NIPAL3: variants seen among roughly 807,000 people sequenced by gnomAD.
NIPAL3 encodes the protein NIPA-like protein 3.
NIPAL3 carries 41 observed loss-of-function variants against 47.2 expected under a neutral mutation model. The observed-to-expected ratio is 0.87, with a 90% CI of 0.68 to 1.13. NIPAL3 has a LOEUF of 1.13. Among genes scored for constraint, NIPAL3 ranks in the 50% most tolerant of loss-of-function variants. The pLI is 0.00. For missense variants in NIPAL3, 449 were observed against 530.1 expected, an observed-to-expected ratio of 0.85 and a Z score of 1.50; for synonymous variants, 194 against 209.6, an observed-to-expected ratio of 0.93 and a Z score of 0.64.
chr1:24,419,385 T>C lies in NIPAL3; in HGVS notation c.-163T>C. The C allele has an allele frequency of 5.2e-6, 7 of 1,336,990 alleles. No homozygotes were observed. Among genetic ancestry groups the C allele is most frequent in the Non-Finnish European group, 6.7e-6 (7 of 1,046,246 alleles). The allele number at this position is 1,336,990 out of a possible 1,614,324, so 82.8% of individuals were successfully genotyped here. A position where few individuals can be genotyped will look rare whatever the true frequency, so the allele number is the denominator to read the frequency against. On this transcript the variant is annotated 5_prime_UTR_variant, in exon 2 of 12. Transcript: ENST00000374399. Reference sequence around the variant, plus strand: ...CTGAGTGAAGCTGAGGAGAAGGCTGTAAATCTGCCAAAACAGCCTTGAAGT... The same window carrying C: ...CTGAGTGAAGCTGAGGAGAAGGCTGCAAATCTGCCAAAACAGCCTTGAAGT...
At chr1:24,441,187 G>A (rs1007632370) in intron 3 of NIPAL3, among the ~76,000 whole-genome samples, 1 of 152,180 alleles carries the variant, frequency 6.6e-6, no homozygotes, top group African/African-American at 2.4e-5. Context: ...CTCCCTCCCT[G>A]GAGCAGGCAG....
intron 8 of NIPAL3, chr1:24,457,841 T>A (rs901609622): frequency 1.9e-6 from 1 of 532,676 alleles, no homozygotes; most frequent in Non-Finnish European, 3.9e-6. Context: ...CCGGTAAACA[T>A]GAGCTGCTTC....
chr1:24,459,944 C>G (rs6424097), intron 9 of NIPAL3, among the ~76,000 whole-genome samples: 21,369 of 152,130 alleles, frequency 0.14, 1,646 homozygotes, highest in African/African-American at 0.21. Flanking sequence ...TCAGGGCAGG[C>G]GCAGTAGGCC....
chr1:24,460,681 C>A, intron 10 of NIPAL3, 137 bp downstream of exon 10: 1 of 640,826 alleles, frequency 1.6e-6, no homozygotes, highest in Non-Finnish European at 2.5e-6. Flanking sequence ...AGCTTTGTCC[C>A]CAGAGGTGAG....
chr1:24,438,960 G>A (rs148268250), intron 2 of NIPAL3, among the ~76,000 whole-genome samples: 2 of 152,062 alleles, frequency 1.3e-5, no homozygotes, highest in African/African-American at 4.8e-5. Context: ...CCATACAAAC[G>A]CACAAAAATG....
chr1:24,468,880 A>AT, intron 11 of NIPAL3, 106 bp from the exon 12 acceptor site: 1 of 997,656 alleles, frequency 1.0e-6, no homozygotes, highest in Non-Finnish European at 1.5e-6. Context: ...AATGCACATG[A>AT]TTAGCTGCTG....
Position 24,462,700 on chromosome 1 carries a change from G to C in NIPAL3, c.927-1326G>C, listed in dbSNP as rs566197687. On this transcript the variant is annotated intron_variant, in intron 10 of 11. Coordinates refer to ENST00000374399, the MANE Select transcript of NIPAL3 (RefSeq NM_020448.5). ...TATAATGGATTGAACCCGAGCGGCA[G>C]AGGTTGCAGTGAGCCAAGATCACAG... is the stretch of plus-strand genomic sequence containing the variant. Among the ~76,000 whole-genome samples, 186 of 152,280 alleles carry C rather than the reference G, an allele frequency of 1.2e-3. 1 individual carries two copies. Among genetic ancestry groups the C allele is most frequent in the African/African-American group, 4.2e-3 (176 of 41,562 alleles).
intron 8 of NIPAL3, 121 bp downstream of exon 8, chr1:24,456,394 CAGCATGG>C: frequency 1.5e-6 from 2 of 1,362,224 alleles, no homozygotes; most frequent in East Asian, 4.6e-5. Flanking sequence ...GCCTGGCATC[CAGCATGG>C]AGAGAGGAGC....
intron 4 of NIPAL3, among the ~76,000 whole-genome samples, chr1:24,444,409 G>A (rs78501971): frequency 1.3e-5 from 2 of 152,162 alleles, no homozygotes; most frequent in Non-Finnish European, 2.9e-5. Context: ...GATTTGTAGC[G>A]CTTGCCAGTT....
intron 2 of NIPAL3, among the ~76,000 whole-genome samples, chr1:24,431,539 G>C (rs1024310783): frequency 6.6e-6 from 1 of 152,062 alleles, no homozygotes; most frequent in African/African-American, 2.4e-5. Context: ...TTTATTTTAT[G>C]ACCTTTAAGT....
At position 24,454,603 on chromosome 1, in the gene NIPAL3, T is replaced by C. The variant is rs113667563; in HGVS notation, c.637+1099T>C. On this transcript the variant is annotated intron_variant, in intron 7 of 11. Coordinates refer to ENST00000374399, the MANE Select transcript of NIPAL3 (RefSeq NM_020448.5). This position sits in a 1 kb window ranked among gnomAD's most constrained non-coding sequence, Gnocchi z 4.1. ...TACCATAAAGTTCACCTGTTTAAAGTATACAATTCAGTGGTTTTTAGTATT... is the reference window on the plus strand; with the variant it reads ...TACCATAAAGTTCACCTGTTTAAAGCATACAATTCAGTGGTTTTTAGTATT... The C allele has an allele frequency of 2.1e-6, 2 of 930,928 alleles. No individual in the cohort carries two copies. The allele number at this position is 930,928 out of a possible 1,614,324, so 57.7% of individuals were successfully genotyped here. A position where few individuals can be genotyped will look rare whatever the true frequency, so the allele number is the denominator to read the frequency against.
intron 2 of NIPAL3, among the ~76,000 whole-genome samples, chr1:24,437,056 C>T (rs1645149712): frequency 6.6e-6 from 1 of 151,940 alleles, no homozygotes; most frequent in Non-Finnish European, 1.5e-5. Context: ...TTGAGACCAT[C>T]CTGGATAACA....
chr1:24,454,305 C>T lies in NIPAL3; in HGVS notation c.637+801C>T. 1 of 1,148,968 alleles carries T rather than the reference C, an allele frequency of 8.7e-7. No individual in the cohort carries two copies. The highest frequency in any genetic ancestry group is 1.1e-6 in the Non-Finnish European group (1 of 923,802). 71.2% of individuals were successfully genotyped at this position (1,148,968 alleles called of 1,614,324 possible). On this transcript the variant is annotated intron_variant, in intron 7 of 11. Transcript: ENST00000374399. This position sits in a 1 kb window ranked among gnomAD's most constrained non-coding sequence, Gnocchi z 4.1. Reference sequence around the variant, plus strand: ...GTGTCAGGGCTGGTGAAGCCTGCTACCGCGCTGCTCTTGAGTGGCCTCAGG... The same window carrying T: ...GTGTCAGGGCTGGTGAAGCCTGCTATCGCGCTGCTCTTGAGTGGCCTCAGG...
chr1:24,458,409 T>C (rs370400844), intron 8 of NIPAL3, among the ~76,000 whole-genome samples: 2 of 152,246 alleles, frequency 1.3e-5, no homozygotes, highest in Admixed American at 6.5e-5. Flanking sequence ...TCTAATTTTC[T>C]CTTTTTCCTG....
rs1433659495 is a variant in NIPAL3, at chr1:24,451,323, C to T, written c.540+1697C>T. 6.6e-6 allele frequency among the ~76,000 whole-genome samples: 1 copy of T among 152,160 alleles called. No homozygotes were observed. The highest frequency in any genetic ancestry group is 1.5e-5 in the Non-Finnish European group (1 of 68,038). On this transcript the variant is annotated intron_variant, in intron 6 of 11. Coordinates refer to ENST00000374399, the MANE Select transcript of NIPAL3 (RefSeq NM_020448.5). The surrounding 1 kb of genome is among the most constrained non-coding windows in gnomAD (Gnocchi z 4.5). The stretch of plus-strand genomic sequence containing the variant: ...AAATGAGACATGCCCACAGTACTCA[C>T]GGACTGTTGGGAGGCACCACATATG...
rs770841962 is a variant in NIPAL3 at position 24,469,179 on chromosome 1, G to A, written c.1215G>A (p.Lys405=). 2.5e-6 allele frequency: 4 copies of A among 1,613,280 alleles called. No homozygotes were observed. In the East Asian group the frequency reaches 8.9e-5, roughly 36 times the overall value. ...ACCGAGTCCTAGAGCACACCAAGAA[G>A]GAATGAGACTCGCCTCCCTCTATTT... ...VPYRVLEHTK[K]E Residue 405 remains lysine (K), a synonymous_variant, in exon 12 of 12, where the codon AAG becomes AAA. Transcript: ENST00000374399.
intron 2 of NIPAL3, 91 bp downstream of exon 2, chr1:24,419,731 C>T (rs12029799): frequency 9.2e-7 from 1 of 1,087,488 alleles, no homozygotes; most frequent in East Asian, 2.6e-5. Context: ...TGTATGGGGT[C>T]TGCATGCCTG....
intron 10 of NIPAL3, among the ~76,000 whole-genome samples, chr1:24,463,271 TTG>T (rs1393487527): frequency 2.0e-5 from 3 of 152,306 alleles, no homozygotes; most frequent in African/African-American, 7.2e-5. Flanking sequence ...AGAGTACATA[TTG>T]TATGATTTAA....
intron 9 of NIPAL3, among the ~76,000 whole-genome samples, chr1:24,460,066 A>T (rs1646400147): frequency 6.6e-6 from 1 of 152,206 alleles, no homozygotes; most frequent in African/African-American, 2.4e-5. Context: ...CTATCTTAAG[A>T]AAGATGGAGG....
Sources: allele counts gnomAD v4.1 joint callset (sites outside exome capture counted in the v4.1 genomes callset), GRCh38; gene constraint gnomAD v4.1.1; non-coding constraint Gnocchi (gnomAD v3.1); transcripts MANE v1.5; gene names NCBI Gene and HGNC (gene_info 2026-07-23, HGNC 2026-07-21).